The following TRPM3 variants were observed in gnomAD, a reference collection of about 807,000 sequenced individuals.
The protein encoded by TRPM3 is transient receptor potential cation channel subfamily M member 3, also known as long transient receptor potential channel 3.
TRPM3 carries 77 observed loss-of-function variants against 181.2 expected under a neutral mutation model. That is an observed-to-expected ratio of 0.42 (90% CI 0.35 to 0.51). The LOEUF is 0.51. TRPM3 is among the 20% of genes least tolerant of loss of function. The probability of loss-of-function intolerance (pLI) is 0.01; values close to 1 mark genes in which losing one functional copy is unlikely to be tolerated. For missense variants in TRPM3, 1,759 were observed against 2,196.7 expected (o/e 0.80, Z 3.98); for synonymous variants, 745 against 796.4 (o/e 0.94, Z 1.09).
intron 1 of TRPM3, among the ~76,000 whole-genome samples, chr9:71,272,588 T>C (rs1035796005): frequency 1.3e-5 from 2 of 152,130 alleles, no homozygotes; most frequent in African/African-American, 4.8e-5. Context: ...ACGATTAAAC[T>C]CAACTATATC....
chr9:71,245,249 G>A (rs2081966367), intron 1 of TRPM3, among the ~76,000 whole-genome samples: 1 of 151,990 alleles, frequency 6.6e-6, no homozygotes, highest in Non-Finnish European at 1.5e-5. Context: ...AGGAATTTGA[G>A]ACCCCAAACA....
At chr9:70,679,994 G>T (rs12345213) in intron 9 of TRPM3, among the ~76,000 whole-genome samples, 13,211 of 152,164 alleles carry the variant, frequency 0.087, 703 homozygotes, top group South Asian at 0.15. Context: ...GGGATAAAAT[G>T]CTTTAGAGCA....
chr9:71,011,224 C>T (rs558892244), intron 1 of TRPM3, among the ~76,000 whole-genome samples: 33 of 152,084 alleles, frequency 2.2e-4, no homozygotes, highest in African/African-American at 8.0e-4. Context: ...TTCTGGTGTT[C>T]TATTACACAG....
At chr9:70,907,422 T>A (rs1373847434) in intron 1 of TRPM3, among the ~76,000 whole-genome samples, 1 of 152,234 alleles carries the variant, frequency 6.6e-6, no homozygotes, top group African/African-American at 2.4e-5. Context: ...GCTGAAGTGC[T>A]GTGTAGTGTT....
intron 1 of TRPM3, among the ~76,000 whole-genome samples, chr9:71,043,815 G>A (rs1226953513): frequency 1.3e-5 from 2 of 152,158 alleles, no homozygotes; most frequent in East Asian, 3.9e-4. Context: ...TTTCAGTGCA[G>A]TATACCATCT....
At chr9:70,935,143 A>T (rs2096815685) in intron 1 of TRPM3, among the ~76,000 whole-genome samples, 1 of 152,186 alleles carries the variant, frequency 6.6e-6, no homozygotes, top group Non-Finnish European at 1.5e-5. Flanking sequence ...CAGTGGAAAC[A>T]GTCCTTTCTG....
In TRPM3 at chr9:71,420,879, G is replaced by GAGGGAGAGAAAAAGGGAGAGAAAA. The variant is rs1191348144; in HGVS notation, c.183+25750_183+25773dup. 1.6e-3 allele frequency among the ~76,000 whole-genome samples: 15 copies of GAGGGAGAGAAAAAGGGAGAGAAAA among 9,164 alleles called. 7 individuals carry two copies. The highest frequency in any genetic ancestry group is 3.5e-3 in the African/African-American group (7 of 1,974). The allele number at this position is 9,164 out of a possible 152,430, so 6.0% of individuals were successfully genotyped here. Reference sequence around the variant, plus strand: ...AGAAAGAGAGAGAGGGAGAGAAAAGGAGGGAGAGAAAAAGGGAGAGAAAAA... The same window carrying GAGGGAGAGAAAAAGGGAGAGAAAA: ...AGAAAGAGAGAGAGGGAGAGAAAAGGAGGGAGAGAAAAAGGGAGAGAAAAAGGGAGAGAAAAAGGGAGAGAAAAA... On this transcript the variant is annotated intron_variant, in intron 1 of 24. Transcript: ENST00000357533.
chr9:71,174,321 C>T (rs2077004506), intron 1 of TRPM3, among the ~76,000 whole-genome samples: 1 of 152,148 alleles, frequency 6.6e-6, no homozygotes. Context: ...GCCAGTGGAT[C>T]ACCTGAGATC....
chr9:71,408,073 T>C (rs1351247331), intron 1 of TRPM3, among the ~76,000 whole-genome samples: 1 of 151,928 alleles, frequency 6.6e-6, no homozygotes, highest in African/African-American at 2.4e-5. Flanking sequence ...AAAAAGGACA[T>C]CCACACCAAA....
chr9:71,155,643 C>T (rs909651128), intron 1 of TRPM3, among the ~76,000 whole-genome samples: 1 of 152,064 alleles, frequency 6.6e-6, no homozygotes, highest in Admixed American at 6.6e-5. Flanking sequence ...GCCTGAGCCA[C>T]TGTGCCTGGC....
At chr9:70,647,509 C>T (rs1438726807) in intron 9 of TRPM3, among the ~76,000 whole-genome samples, 1 of 152,034 alleles carries the variant, frequency 6.6e-6, no homozygotes, top group Non-Finnish European at 1.5e-5. Context: ...TGTTAAAAAC[C>T]TTCAACAAAC....
intron 6 of TRPM3, chr9:70,793,440 A>G (rs2086050224): frequency 7.0e-6 from 1 of 142,574 alleles, no homozygotes; most frequent in Non-Finnish European, 1.5e-5. Flanking sequence ...TCAGTGACAG[A>G]GTGAGGCTTT....
intron 1 of TRPM3, among the ~76,000 whole-genome samples, chr9:70,921,077 G>T (rs760799498): frequency 3.3e-5 from 5 of 152,042 alleles, no homozygotes; most frequent in Non-Finnish European, 5.9e-5. Flanking sequence ...TCTGGTTTTT[G>T]GTTAACAAGC....
chr9:71,441,578 G>A (rs1202679732), intron 1 of TRPM3, among the ~76,000 whole-genome samples: 1 of 151,164 alleles, frequency 6.6e-6, no homozygotes, highest in Non-Finnish European at 1.5e-5. Flanking sequence ...CCTTAAATGG[G>A]CAATTGGTTG....
At chr9:70,783,880 T>A in intron 7 of TRPM3, 1 of 1,239,590 alleles carries the variant, frequency 8.1e-7, no homozygotes, top group Middle Eastern at 3.2e-4. Context: ...TCACCCTTTT[T>A]ATTATCCGTG....
chr9:71,319,287 T>C (rs1279967787), intron 1 of TRPM3, among the ~76,000 whole-genome samples: 1 of 152,026 alleles, frequency 6.6e-6, no homozygotes, highest in Non-Finnish European at 1.5e-5. Flanking sequence ...ACTAAGAAGT[T>C]CCATAGTCTG....
intron 1 of TRPM3, among the ~76,000 whole-genome samples, chr9:71,218,120 TA>T (rs1354177919): frequency 6.6e-6 from 1 of 152,236 alleles, no homozygotes; most frequent in African/African-American, 2.4e-5. Context: ...CGTGGTTATT[TA>T]AATTTTAATT....
intron 1 of TRPM3, among the ~76,000 whole-genome samples, chr9:71,197,242 A>T (rs147607193): frequency 0.084 from 12,738 of 152,038 alleles, 639 homozygotes; most frequent in Non-Finnish European, 0.11. Flanking sequence ...GGTGTATATG[A>T]GCCACATTTT....
intron 1 of TRPM3, among the ~76,000 whole-genome samples, chr9:71,076,120 A>T (rs2063423621): frequency 6.6e-6 from 1 of 152,170 alleles, no homozygotes; most frequent in Admixed American, 6.5e-5. Flanking sequence ...AAAAAGACAT[A>T]ACTAGTGGTG....
Sources: allele counts gnomAD v4.1 joint callset (sites outside exome capture counted in the v4.1 genomes callset), GRCh38; gene constraint gnomAD v4.1.1; transcripts MANE v1.5; gene names NCBI Gene and HGNC (gene_info 2026-07-23, HGNC 2026-07-21).